TMEM45A: variants seen among roughly 807,000 people sequenced by gnomAD.
TMEM45A encodes the protein transmembrane protein 45A, also known as DNA polymerase-transactivated protein 4.
In TMEM45A, 25 loss-of-function variants were observed where a neutral mutation model predicts 32.0. That is an observed-to-expected ratio of 0.78 (90% confidence interval 0.57 to 1.09). The LOEUF (loss-of-function observed/expected upper bound fraction) is 1.09, where lower values mean the gene tolerates loss of function less well. Ranked by LOEUF, TMEM45A falls within the 50% of genes least tolerant of loss-of-function variation. The pLI, the probability that TMEM45A is intolerant of heterozygous loss-of-function variation, is 0.00. For missense variants in TMEM45A, 302 were observed against 325.0 expected, an observed-to-expected ratio of 0.93 and a Z score of 0.54; for synonymous variants, 122 against 114.8, an observed-to-expected ratio of 1.06 and a Z score of -0.40.
intron 1 of TMEM45A, among the ~76,000 whole-genome samples, chr3:100,547,570 TGAGGAG>T (rs144254352): frequency 0.01 from 1,523 of 151,546 alleles, 25 homozygotes; most frequent in African/African-American, 0.036. Context: ...TTGAATAGGC[TGAGGAG>T]GAGGAGGAGG....
intron 1 of TMEM45A, among the ~76,000 whole-genome samples, chr3:100,531,871 G>T (rs62278360): frequency 0.21 from 31,201 of 152,140 alleles, 4,059 homozygotes; most frequent in Non-Finnish European, 0.29. Flanking sequence ...TCGTTTATTT[G>T]ATTTTTGCTG....
At chr3:100,534,814 A>T (rs1224714516) in intron 1 of TMEM45A, among the ~76,000 whole-genome samples, 1 of 152,210 alleles carries the variant, frequency 6.6e-6, no homozygotes, top group East Asian at 1.9e-4. Context: ...TAATTCTGGC[A>T]AGCCACCAGA....
chr3:100,551,364 G>A (rs187061052), intron 1 of TMEM45A, among the ~76,000 whole-genome samples: 5 of 152,258 alleles, frequency 3.3e-5, no homozygotes, highest in Non-Finnish European at 2.9e-5. Flanking sequence ...AGGAGGGTAC[G>A]GAGGAAGGAC....
intron 5 of TMEM45A, among the ~76,000 whole-genome samples, chr3:100,574,989 G>A (rs2148999514): frequency 6.6e-6 from 1 of 152,216 alleles, no homozygotes; most frequent in East Asian, 1.9e-4. Flanking sequence ...CCCTCTCAGA[G>A]CACAAGTAAA....
At chr3:100,558,752 T>C (rs6441328) in intron 4 of TMEM45A, among the ~76,000 whole-genome samples, 163 bp downstream of exon 4, 64,294 of 151,996 alleles carry the variant, frequency 0.42, 13,782 homozygotes, top group Middle Eastern at 0.48. Context: ...CCAATAGCCC[T>C]GATGGGAGAA....
intron 4 of TMEM45A, among the ~76,000 whole-genome samples, chr3:100,563,089 T>G (rs1286550997): frequency 6.6e-6 from 1 of 152,182 alleles, no homozygotes; most frequent in Non-Finnish European, 1.5e-5. Context: ...CAGGGTTGGT[T>G]TTTTCTTGGG....
rs1417320242 is a variant in TMEM45A, at chr3:100,546,896, A to G, written c.-3-8313A>G. On this transcript the variant is annotated intron_variant, in intron 1 of 5. Transcript: ENST00000323523. The stretch of plus-strand genomic sequence containing the variant: ...GGTCTTCGTTAACTCTGTGACATAG[A>G]GTAGGTCACTAAATACCTTGGAGCT... Among the ~76,000 whole-genome samples, 5 of 152,156 alleles carry G rather than the reference A, an allele frequency of 3.3e-5. 1 individual carries two copies. The highest frequency in any genetic ancestry group is 4.1e-4 in the South Asian group (2 of 4,830).
At chr3:100,514,323 A>T (rs1353264531) in intron 1 of TMEM45A, among the ~76,000 whole-genome samples, 1 of 152,206 alleles carries the variant, frequency 6.6e-6, no homozygotes, top group African/African-American at 2.4e-5. Flanking sequence ...ATAACGCCAC[A>T]TATCTACAAC....
chr3:100,558,996 A>AT (rs1468605349), intron 4 of TMEM45A, among the ~76,000 whole-genome samples: 1 of 152,094 alleles, frequency 6.6e-6, no homozygotes, highest in Non-Finnish European at 1.5e-5. Flanking sequence ...ACATTGTTTT[A>AT]TTTTTTCCTT....
chr3:100,546,615 A>G (rs1005327507), intron 1 of TMEM45A, among the ~76,000 whole-genome samples: 33 of 152,240 alleles, frequency 2.2e-4, no homozygotes, highest in Admixed American at 1.8e-3. Context: ...TAGCAGTCCT[A>G]TGCCCTCTGA....
intron 1 of TMEM45A, among the ~76,000 whole-genome samples, chr3:100,535,101 A>G (rs1705718182): frequency 6.6e-6 from 1 of 151,116 alleles, no homozygotes; most frequent in South Asian, 2.1e-4. Flanking sequence ...TGCTAAAATC[A>G]GGAGGCACTA....
In TMEM45A at chr3:100,577,045, AT is replaced by A; in HGVS notation, c.*28del. On this transcript the variant is annotated 3_prime_UTR_variant, in exon 6 of 6. Coordinates refer to ENST00000323523, the MANE Select transcript of TMEM45A (RefSeq NM_018004.3). ...TTTGATGAGCTTCCAGTTTTTCTAG[AT>A]AAACCTTTTCTTTTTTACATTGTTC... 1 of 1,568,168 alleles carries A rather than the reference AT, an allele frequency of 6.4e-7. No homozygotes were observed. Among genetic ancestry groups the A allele is most frequent in the Admixed American group, 1.7e-5 (1 of 57,468 alleles).
At chr3:100,519,235 A>G (rs1559638418) in intron 1 of TMEM45A, 1 of 329,302 alleles carries the variant, frequency 3.0e-6, no homozygotes. Flanking sequence ...ATTAAGCAGT[A>G]TCTCCCAGCA....
intron 5 of TMEM45A, chr3:100,573,142 T>G (rs1457912095): frequency 6.6e-6 from 1 of 151,738 alleles, no homozygotes; most frequent in South Asian, 2.1e-4. Context: ...GTGAAGAAAG[T>G]CATTGGTAGC....
At chr3:100,500,591 C>T (rs771646343) in intron 1 of TMEM45A, among the ~76,000 whole-genome samples, 1 of 152,208 alleles carries the variant, frequency 6.6e-6, no homozygotes, top group African/African-American at 2.4e-5. Context: ...CTCTCACATT[C>T]GTCTGTCTCA....
At chr3:100,505,080 C>T (rs1708060634) in intron 1 of TMEM45A, among the ~76,000 whole-genome samples, 1 of 152,138 alleles carries the variant, frequency 6.6e-6, no homozygotes, top group African/African-American at 2.4e-5. Context: ...GTCACAGACT[C>T]ATTGCTGGGG....
At chr3:100,504,807 T>A (rs2148929790) in intron 1 of TMEM45A, among the ~76,000 whole-genome samples, 1 of 152,336 alleles carries the variant, frequency 6.6e-6, no homozygotes, top group East Asian at 1.9e-4. Flanking sequence ...GCGAGAGCCA[T>A]GCCACTAATT....
chr3:100,576,110 C>T (rs983656420), intron 5 of TMEM45A, among the ~76,000 whole-genome samples: 2 of 151,296 alleles, frequency 1.3e-5, no homozygotes, highest in African/African-American at 2.4e-5. Context: ...TTCAGGAGTT[C>T]GAGACCATCC....
chr3:100,564,274 G>A (rs1412963557), intron 4 of TMEM45A, among the ~76,000 whole-genome samples: 1 of 152,116 alleles, frequency 6.6e-6, no homozygotes, highest in African/African-American at 2.4e-5. Context: ...ACCTTGGTTG[G>A]ATCACTCCAC....
Sources: allele counts gnomAD v4.1 joint callset (sites outside exome capture counted in the v4.1 genomes callset), GRCh38; gene constraint gnomAD v4.1.1; transcripts MANE v1.5; gene names NCBI Gene and HGNC (gene_info 2026-07-23, HGNC 2026-07-21).